Variants in ABCC2 observed in about 807,000 individuals in gnomAD.
The protein encoded by ABCC2 is ATP-binding cassette sub-family C member 2.
In ABCC2, 157 loss-of-function variants were observed where a neutral mutation model predicts 173.4. The observed-to-expected ratio is 0.91, with a 90% CI of 0.80 to 1.03. ABCC2 has a LOEUF of 1.03. Ranked by LOEUF, ABCC2 falls within the 50% of genes least tolerant of loss-of-function variation. ABCC2 has a pLI of 0.00. For synonymous variants in ABCC2, 657 were observed against 693.5 expected (o/e 0.95, Z 0.83); for missense variants, 1,822 against 1,852.3 (o/e 0.98, Z 0.30).
chr10:99,830,983 T>C, intron 21 of ABCC2, 132 bp downstream of exon 21: 1 of 1,002,096 alleles, frequency 1.0e-6, no homozygotes, highest in Admixed American at 2.0e-5. Flanking sequence ...ATCTTCAGAC[T>C]CATTATTAAC....
At chr10:99,830,643 G>A (rs1357884033) in intron 20 of ABCC2, 73 bp from the exon 21 acceptor site, 61 of 1,608,002 alleles carry the variant, frequency 3.8e-5, no homozygotes, top group Non-Finnish European at 4.9e-5. Context: ...TGCCAGCTGA[G>A]TGACTGTGAC....
Position 99,851,651 on chromosome 10 carries a change from G to C in ABCC2, c.*20G>C. 6.2e-7 allele frequency: 1 copy of C among 1,608,882 alleles called. No individual in the cohort carries two copies. Among genetic ancestry groups the C allele is most frequent in the South Asian group, 1.1e-5 (1 of 90,670 alleles). On this transcript the variant is annotated 3_prime_UTR_variant, in exon 32 of 32. Transcript: ENST00000647814. ...TTCTAGCAGAAGGCCCCATGGGTTAGAAAAGGACTATAAGAATAATTTCTT... is the reference window on the plus strand; with the variant it reads ...TTCTAGCAGAAGGCCCCATGGGTTACAAAAGGACTATAAGAATAATTTCTT...
chr10:99,848,144 G>A (rs72838138), intron 30 of ABCC2, among the ~76,000 whole-genome samples: 8,223 of 152,258 alleles, frequency 0.054, 250 homozygotes, highest in Middle Eastern at 0.18. Flanking sequence ...GCTGTTAAGG[G>A]CATCGCAGTT....
intron 9 of ABCC2, among the ~76,000 whole-genome samples, chr10:99,800,795 G>A (rs1202940229): frequency 6.6e-6 from 1 of 152,218 alleles, no homozygotes; most frequent in Non-Finnish European, 1.5e-5. Flanking sequence ...GGAGAAGCCT[G>A]CAAGCTGTTC....
intron 16 of ABCC2, among the ~76,000 whole-genome samples, chr10:99,813,967 G>C (rs577827360): frequency 6.6e-6 from 1 of 151,732 alleles, no homozygotes; most frequent in Non-Finnish European, 1.5e-5. Context: ...AATTACTCTT[G>C]GGCCTTTCTC....
At chr10:99,847,260 C>A (rs893807572) in intron 30 of ABCC2, 133 bp downstream of exon 30, 7 of 1,083,162 alleles carry the variant, frequency 6.5e-6, no homozygotes, top group African/African-American at 4.7e-5. Context: ...GTAAAATGAA[C>A]CTGTTGTAAA....
chr10:99,847,057 C>G lies in ABCC2; in HGVS notation c.4243C>G (p.Leu1415Val). 1 of 1,614,206 alleles carries G rather than the reference C, an allele frequency of 6.2e-7. No homozygotes were observed. Among genetic ancestry groups the G allele is most frequent in the Non-Finnish European group, 8.5e-7 (1 of 1,180,032 alleles). Residue 1415 changes from leucine to valine, a missense_variant, in exon 30 of 32, where the codon CTC (leucine) becomes GTC (valine). Leu to Val is a conservative substitution (Grantham distance 32). Coordinates refer to ENST00000647814, the MANE Select transcript of ABCC2 (RefSeq NM_000392.5). Reference sequence around the variant, plus strand: ...TTGGAAGGCCTTGGAGCTGGCTCACCTCAAGTCTTTTGTGGCCAGCCTGCA... The same window carrying G: ...TTGGAAGGCCTTGGAGCTGGCTCACGTCAAGTCTTTTGTGGCCAGCCTGCA... The part of the protein sequence containing the change: ...EIWKALELAH[L>V]KSFVASLQLG...
At chr10:99,840,176 GCGGCGCTCGC>G (rs2038910793) in intron 25 of ABCC2, among the ~76,000 whole-genome samples, 1 of 5,540 alleles carries the variant, frequency 1.8e-4, no homozygotes, top group African/African-American at 6.5e-4. Flanking sequence ...TGCCTCCCGG[GCGGCGCTCGC>G]CGGCGCGGCG....
chr10:99,814,192 C>T (rs2038284789), intron 16 of ABCC2, among the ~76,000 whole-genome samples: 3 of 81,562 alleles, frequency 3.7e-5, no homozygotes, highest in African/African-American at 1.3e-4. Context: ...TGTATACACA[C>T]ATGTGTATAT....
intron 2 of ABCC2, among the ~76,000 whole-genome samples, chr10:99,789,708 TC>T (rs2037780461): frequency 3.0e-5 from 1 of 32,970 alleles, no homozygotes; most frequent in Non-Finnish European, 5.6e-5. Flanking sequence ...AAACTCCGTC[TC>T]AAAAAAAAAA....
chr10:99,849,420 C>T (rs2039059927), intron 30 of ABCC2, among the ~76,000 whole-genome samples: 2 of 152,162 alleles, frequency 1.3e-5, no homozygotes, highest in South Asian at 4.1e-4. Context: ...CTTGACATTT[C>T]TGGTTTGTAA....
At position 99,807,956 on chromosome 10, in the gene ABCC2, T is replaced by C. The variant is rs1203297471; in HGVS notation, c.1669-127T>C. 6 of 1,186,682 alleles carry C rather than the reference T, an allele frequency of 5.1e-6. No homozygotes were observed. The African/African-American group carries it at 7.5e-5, about 15-fold the overall frequency. 73.5% of individuals were successfully genotyped at this position (1,186,682 alleles called of 1,614,324 possible). ...CTCTCCTGGGCTCAGTTTTCTCATC[T>C]GTAACATGGGGAGGCTGGATGATCC... is the stretch of plus-strand genomic sequence containing the variant. On this transcript the variant is annotated intron_variant, in intron 12 of 31. Coordinates refer to ENST00000647814, the MANE Select transcript of ABCC2 (RefSeq NM_000392.5).
At chr10:99,799,915 C>T (rs1162537156) in intron 8 of ABCC2, among the ~76,000 whole-genome samples, 4 of 152,146 alleles carry the variant, frequency 2.6e-5, no homozygotes, top group South Asian at 2.1e-4. Flanking sequence ...AAAGCCAGAA[C>T]GCCAGGCTGG....
Position 99,808,218 on chromosome 10 carries a change from T to C in ABCC2, c.1804T>C (p.Ser602Pro). The part of the protein sequence containing the change: ...PLSMLPMMIS[S>P]MLQASVSTER... ...GAGCATGCTTCCCATGATGATCTCC[T>C]CCATGCTCCAGGTAGGTCGGCATTC... Residue 602 changes from serine to proline, a missense_variant, in exon 13 of 32, where the codon TCC (serine) becomes CCC (proline). Ser to Pro is a moderately conservative substitution (Grantham distance 74, BLOSUM62 -1). Coordinates refer to ENST00000647814, the MANE Select transcript of ABCC2 (RefSeq NM_000392.5). The C allele has an allele frequency of 6.2e-7, 1 of 1,614,086 alleles. No homozygotes were observed. Among genetic ancestry groups the C allele is most frequent in the East Asian group, 2.2e-5 (1 of 44,866 alleles).
Position 99,845,622 on chromosome 10 carries a change from A to G in ABCC2, c.3988-2A>G. On this transcript the variant is annotated splice_acceptor_variant, in intron 28 of 31. Coordinates refer to ENST00000647814, the MANE Select transcript of ABCC2 (RefSeq NM_000392.5). LOFTEE classifies it high-confidence loss of function. Reference sequence around the variant, plus strand: ...TAATGTGTAAGGGAACTATATTCGCAGATTGGTGTGGTGGGCAGGACAGGA... The same window carrying G: ...TAATGTGTAAGGGAACTATATTCGCGGATTGGTGTGGTGGGCAGGACAGGA... The G allele has an allele frequency of 6.2e-7, 1 of 1,613,986 alleles. No individual in the cohort carries two copies. The highest frequency in any genetic ancestry group is 8.5e-7 in the Non-Finnish European group (1 of 1,179,982).
At chr10:99,814,747 A>ATATACACACACG in intron 16 of ABCC2, among the ~76,000 whole-genome samples, 1 of 141,968 alleles carries the variant, frequency 7.0e-6, no homozygotes, top group South Asian at 2.2e-4. Flanking sequence ...GTGTATATGT[A>ATATACACACACG]TGTATATACA....
At position 99,782,657 on chromosome 10, in the gene ABCC2, C is replaced by T. The variant is rs2037634903; in HGVS notation, c.-188C>T. 1.9e-5 allele frequency: 13 copies of T among 670,032 alleles called. No individual in the cohort carries two copies. Among genetic ancestry groups the T allele is most frequent in the South Asian group, 1.7e-4 (9 of 53,914 alleles). The allele number at this position is 670,032 out of a possible 1,614,324, so 41.5% of individuals were successfully genotyped here. A position where few individuals can be genotyped will look rare whatever the true frequency, so the allele number is the denominator to read the frequency against. On this transcript the variant is annotated 5_prime_UTR_variant, in exon 1 of 32. Transcript: ENST00000647814. The stretch of plus-strand genomic sequence containing the variant: ...GGCTTTTTAGTCACATGTCCATCCA[C>T]TGTTTCAATGTAACATGCATCTAGG...
At chr10:99,818,292 C>G (rs1156421335) in intron 17 of ABCC2, among the ~76,000 whole-genome samples, 1 of 152,088 alleles carries the variant, frequency 6.6e-6, no homozygotes, top group African/African-American at 2.4e-5. Context: ...ATTTTGAAAC[C>G]TCTAAATAAA....
chr10:99,835,250 C>T lies in ABCC2; in HGVS notation c.3414+715C>T, dbSNP rs1056412298. On this transcript the variant is annotated intron_variant, in intron 24 of 31. Transcript: ENST00000647814. ...CAGGGGCTCGTGGCCTTGTGGCCTG[C>T]GATTGGCGGCTCGCCCCCATGTCCG... 5.9e-5 allele frequency among the ~76,000 whole-genome samples: 9 copies of T among 152,288 alleles called. No individual in the cohort carries two copies. The South Asian group carries it at 1.9e-3, about 32-fold the overall frequency.
Sources: gnomAD v4.1 joint callset for allele counts (sites outside exome capture counted in the v4.1 genomes callset) on GRCh38, gnomAD v4.1.1 for gene constraint, MANE v1.5 for transcripts, NCBI Gene and HGNC (gene_info 2026-07-23, HGNC 2026-07-21) for gene names.